The following GRIN2B variants were observed in gnomAD, a reference collection of about 807,000 sequenced individuals.
GRIN2B encodes glutamate ionotropic receptor NMDA type subunit 2B.
A neutral mutation model predicts 114.5 loss-of-function variants in GRIN2B; 5 were observed. The observed-to-expected ratio is 0.04, with a 90% CI of 0.02 to 0.09. The LOEUF (loss-of-function observed/expected upper bound fraction) is 0.09. GRIN2B is among the 10% of genes least tolerant of loss of function. GRIN2B has a pLI of 1.00. For synonymous variants in GRIN2B, 787 were observed against 745.1 expected (o/e 1.06, Z -0.92); for missense variants, 1,108 against 1,943.5 (o/e 0.57, Z 8.08).
At chr12:13,641,248 T>A (rs1195490788) in intron 5 of GRIN2B, among the ~76,000 whole-genome samples, 1 of 151,918 alleles carries the variant, frequency 6.6e-6, no homozygotes, top group East Asian at 1.9e-4. Context: ...ATTTTTGTAT[T>A]TTTAGTAGAG....
intron 10 of GRIN2B, among the ~76,000 whole-genome samples, chr12:13,606,311 T>C (rs1222009761): frequency 6.6e-6 from 1 of 152,090 alleles, no homozygotes; most frequent in African/African-American, 2.4e-5. Flanking sequence ...CTTCCACTCA[T>C]GGTGGAAGGG....
At chr12:13,690,282 A>ACCC (rs1950204656) in intron 4 of GRIN2B, among the ~76,000 whole-genome samples, 1 of 76,744 alleles carries the variant, frequency 1.3e-5, no homozygotes, top group Admixed American at 1.8e-4. Context: ...CTTCTATGTC[A>ACCC]CACCACACAC....
At chr12:13,945,529 G>T (rs1867348236) in intron 2 of GRIN2B, among the ~76,000 whole-genome samples, 1 of 152,152 alleles carries the variant, frequency 6.6e-6, no homozygotes, top group African/African-American at 2.4e-5. Context: ...AAGTTCCTGT[G>T]AATACAATGG....
At chr12:13,644,132 C>A (rs562325244) in intron 5 of GRIN2B, among the ~76,000 whole-genome samples, 19 of 152,314 alleles carry the variant, frequency 1.2e-4, no homozygotes, top group African/African-American at 4.6e-4. Flanking sequence ...GGAATCATTA[C>A]ATATGGCAGC....
Position 13,623,332 on chromosome 12 carries a change from G to A in GRIN2B, c.1126-6675C>T, listed in dbSNP as rs539568428. Among the ~76,000 whole-genome samples the A allele has an allele frequency of 1.1e-4, 16 of 152,242 alleles. No individual in the cohort carries two copies. In the South Asian group the frequency reaches 2.1e-3, roughly 20 times the overall value. Reference sequence around the variant, plus strand: ...CATCAATTCCCAGAAATGAAAAGGCGGAACAAAAGGATATGTATGTTTTTA... The same window carrying A: ...CATCAATTCCCAGAAATGAAAAGGCAGAACAAAAGGATATGTATGTTTTTA... On this transcript the variant is annotated intron_variant, in intron 5 of 13. Transcript: ENST00000609686.
intron 3 of GRIN2B, among the ~76,000 whole-genome samples, chr12:13,802,094 A>G (rs1163509783): frequency 6.6e-6 from 1 of 152,120 alleles, no homozygotes; most frequent in Non-Finnish European, 1.5e-5. Context: ...AGGAGTCTGA[A>G]GTCTAGCCAA....
intron 2 of GRIN2B, among the ~76,000 whole-genome samples, chr12:13,931,961 T>C (rs1867042490): frequency 6.6e-6 from 1 of 152,160 alleles, no homozygotes; most frequent in Admixed American, 6.5e-5. Flanking sequence ...AACTATTCAC[T>C]CTCTAGCTAG....
At chr12:13,574,563 C>T (rs1948749964) in intron 10 of GRIN2B, among the ~76,000 whole-genome samples, 1 of 152,130 alleles carries the variant, frequency 6.6e-6, no homozygotes, top group Admixed American at 6.5e-5. Flanking sequence ...GCAATCCATG[C>T]AAGGTATCTG....
intron 3 of GRIN2B, among the ~76,000 whole-genome samples, chr12:13,806,994 C>T (rs66615545): frequency 0.074 from 11,226 of 151,086 alleles, 571 homozygotes; most frequent in East Asian, 0.14. Flanking sequence ...GGCAAGACTC[C>T]ATCTCAAAAA....
chr12:13,957,217 G>A (rs778915714), intron 2 of GRIN2B, among the ~76,000 whole-genome samples: 1 of 152,126 alleles, frequency 6.6e-6, no homozygotes, highest in African/African-American at 2.4e-5. Context: ...CAACAAGTCT[G>A]CCATTGGGAG....
intron 10 of GRIN2B, among the ~76,000 whole-genome samples, chr12:13,605,556 C>CTCTCTCTCTG (rs1391827852): frequency 1.3e-5 from 2 of 148,850 alleles, no homozygotes; most frequent in Admixed American, 6.8e-5. Context: ...CTCTCTGACA[C>CTCTCTCTCTG]ACACACACAC....
chr12:13,734,507 G>A (rs541748033), intron 4 of GRIN2B, among the ~76,000 whole-genome samples: 214 of 152,290 alleles, frequency 1.4e-3, no homozygotes, highest in African/African-American at 5.0e-3. Context: ...AATCCAAAGA[G>A]TCATTTTCAC....
chr12:13,688,541 G>T lies in GRIN2B; in HGVS notation c.1011-12682C>A, dbSNP rs145230799. 3.3e-5 allele frequency among the ~76,000 whole-genome samples: 5 copies of T among 152,236 alleles called. No homozygotes were observed. The East Asian group carries it at 9.6e-4, about 29-fold the overall frequency. On this transcript the variant is annotated intron_variant, in intron 4 of 13. Coordinates refer to ENST00000609686, the MANE Select transcript of GRIN2B (RefSeq NM_000834.5). Reference sequence around the variant, plus strand: ...AAAAGTGAAGAAATTGAATGAATTTGCCTTATAAAAAAACAGGAGAAAAAC... The same window carrying T: ...AAAAGTGAAGAAATTGAATGAATTTTCCTTATAAAAAAACAGGAGAAAAAC...
At chr12:13,690,022 CT>C (rs1178761639) in intron 4 of GRIN2B, among the ~76,000 whole-genome samples, 17 of 152,070 alleles carry the variant, frequency 1.1e-4, no homozygotes, top group Admixed American at 2.6e-4. Flanking sequence ...TTATTGTTCA[CT>C]TGACTTGTTC....
chr12:13,973,890 C>T lies in GRIN2B; in HGVS notation c.-19+6038G>A, dbSNP rs186679666. Among the ~76,000 whole-genome samples, 9 of 152,240 alleles carry T rather than the reference C, an allele frequency of 5.9e-5. No homozygotes were observed. In the East Asian group the frequency reaches 1.5e-3, roughly 26 times the overall value. On this transcript the variant is annotated intron_variant, in intron 2 of 13. Coordinates refer to ENST00000609686, the MANE Select transcript of GRIN2B (RefSeq NM_000834.5). ...AATCATCCATTTCAAGCCCATCTTC[C>T]CTTAGGCACCAATGCTATAGTTTAA...
chr12:13,772,792 A>C (rs1863929841), intron 3 of GRIN2B, among the ~76,000 whole-genome samples: 1 of 152,126 alleles, frequency 6.6e-6, no homozygotes, highest in South Asian at 2.1e-4. Context: ...TTCTTTTACA[A>C]ATCAACCAAT....
Position 13,611,861 on chromosome 12 carries a change from GA to G in GRIN2B, c.1655-12del, listed in dbSNP as rs768388356. Reference sequence around the variant, plus strand: ...CAGCGCTGAATGGCTCTGAGGAAGGGAAAAAAGCAGTGCTCAGGGTTAGAAC... The same window carrying G: ...CAGCGCTGAATGGCTCTGAGGAAGGGAAAAAGCAGTGCTCAGGGTTAGAAC... On this transcript the variant is annotated splice_polypyrimidine_tract_variant and intron_variant, in intron 8 of 13. Coordinates refer to ENST00000609686, the MANE Select transcript of GRIN2B (RefSeq NM_000834.5). 1 of 1,612,270 alleles carries G rather than the reference GA, an allele frequency of 6.2e-7. No homozygotes were observed. Among genetic ancestry groups the G allele is most frequent in the African/African-American group, 1.3e-5 (1 of 74,984 alleles).
intron 3 of GRIN2B, among the ~76,000 whole-genome samples, chr12:13,758,669 T>C (rs956016065): frequency 2.0e-5 from 3 of 152,234 alleles, no homozygotes; most frequent in African/African-American, 7.2e-5. Context: ...TGGAAAATTT[T>C]ATGATTATCC....
At chr12:13,682,018 G>C (rs1327328854) in intron 4 of GRIN2B, among the ~76,000 whole-genome samples, 1 of 152,120 alleles carries the variant, frequency 6.6e-6, no homozygotes, top group African/African-American at 2.4e-5. Context: ...ACTTTTAAAA[G>C]CTACCTAATT....
Sources: gnomAD v4.1 joint callset for allele counts (sites outside exome capture counted in the v4.1 genomes callset) on GRCh38, gnomAD v4.1.1 for gene constraint, MANE v1.5 for transcripts, NCBI Gene and HGNC (gene_info 2026-07-23, HGNC 2026-07-21) for gene names.